The following UGT1A10 variants were observed in gnomAD, a reference collection of about 807,000 sequenced individuals.
UGT1A10 encodes the protein UDP-glucuronosyltransferase 1A10.
In UGT1A10, 49 loss-of-function variants were observed where a neutral mutation model predicts 45.8. That is an observed-to-expected ratio of 1.07 (90% CI 0.85 to 1.36). The LOEUF is 1.36. UGT1A10 is among the 40% of genes most tolerant of loss of function. UGT1A10 has a pLI of 0.00. For synonymous variants in UGT1A10, 284 were observed against 249.7 expected, an observed-to-expected ratio of 1.14 and a Z score of -1.29; for missense variants, 745 against 668.6, an observed-to-expected ratio of 1.11 and a Z score of -1.26.
chr2:233,742,825 T>A (rs1692111244), intron 1 of UGT1A10: 1 of 153,966 alleles, frequency 6.5e-6, no homozygotes, highest in South Asian at 2.0e-4. Context: ...TTTGTAGATT[T>A]CACCACTACA....
intron 1 of UGT1A10, chr2:233,690,644 G>C: frequency 7.8e-7 from 1 of 1,287,608 alleles, no homozygotes. Flanking sequence ...AGGACACCTT[G>C]ACTCCTACAG....
intron 1 of UGT1A10, among the ~76,000 whole-genome samples, chr2:233,674,127 T>C (rs998986174): frequency 5.9e-5 from 9 of 152,216 alleles, no homozygotes; most frequent in Non-Finnish European, 1.2e-4. Context: ...TCTATTGTTC[T>C]GGCTCCTTAC....
chr2:233,678,793 T>A (rs2074429314), intron 1 of UGT1A10, among the ~76,000 whole-genome samples: 2 of 152,190 alleles, frequency 1.3e-5, no homozygotes, highest in Non-Finnish European at 2.9e-5. Context: ...GTGGCATCTA[T>A]TGGCTCTTGA....
intron 1 of UGT1A10, chr2:233,747,870 C>T (rs1693798797): frequency 1.2e-6 from 2 of 1,613,434 alleles, no homozygotes; most frequent in Non-Finnish European, 1.7e-6. Context: ...CCCTCTGGCC[C>T]TGTCCTACCT....
intron 1 of UGT1A10, among the ~76,000 whole-genome samples, chr2:233,748,829 G>T (rs1192020175): frequency 6.6e-6 from 1 of 151,330 alleles, no homozygotes. Context: ...GTCTAGGGAG[G>T]AGATAAAACT....
intron 1 of UGT1A10, among the ~76,000 whole-genome samples, chr2:233,650,269 C>G (rs930296623): frequency 4.6e-5 from 7 of 152,176 alleles, no homozygotes; most frequent in Non-Finnish European, 1.0e-4. Context: ...CGTACCTGGC[C>G]AAGGTCTGGA....
chr2:233,743,017 T>C (rs1054805), intron 1 of UGT1A10: 1 of 239,620 alleles, frequency 4.2e-6, no homozygotes, highest in Non-Finnish European at 8.3e-6. Flanking sequence ...TTACAACGAT[T>C]GAAAGACAAA....
intron 1 of UGT1A10, among the ~76,000 whole-genome samples, chr2:233,646,861 A>T (rs2125470904): frequency 6.6e-6 from 1 of 152,328 alleles, no homozygotes; most frequent in African/African-American, 2.4e-5. Context: ...CCACGTTTTC[A>T]GGTATCTTTT....
At chr2:233,656,909 C>T (rs1004474150) in intron 1 of UGT1A10, among the ~76,000 whole-genome samples, 1 of 151,874 alleles carries the variant, frequency 6.6e-6, no homozygotes, top group African/African-American at 2.4e-5. Flanking sequence ...GTGGCATCTC[C>T]CTTAGTTAAA....
At chr2:233,660,284 A>C (rs1193657374) in intron 1 of UGT1A10, among the ~76,000 whole-genome samples, 1 of 152,140 alleles carries the variant, frequency 6.6e-6, no homozygotes, top group Non-Finnish European at 1.5e-5. Flanking sequence ...TCCATAGAAA[A>C]CCATGTGTAA....
intron 1 of UGT1A10, among the ~76,000 whole-genome samples, chr2:233,728,850 A>T (rs1449608230): frequency 6.6e-6 from 1 of 152,198 alleles, no homozygotes; most frequent in East Asian, 1.9e-4. Flanking sequence ...TGGGAATTGG[A>T]TGAGAAACAA....
At chr2:233,666,722 A>C (rs2074083785) in intron 1 of UGT1A10, among the ~76,000 whole-genome samples, 1 of 152,024 alleles carries the variant, frequency 6.6e-6, no homozygotes, top group African/African-American at 2.4e-5. Flanking sequence ...ATATGTATAC[A>C]TGTGCCATGT....
intron 1 of UGT1A10, chr2:233,672,219 T>C (rs536086355): frequency 2.5e-6 from 4 of 1,614,188 alleles, no homozygotes; most frequent in African/African-American, 1.3e-5. Flanking sequence ...CTTTTGCCCA[T>C]GCTCAATGGA....
intron 1 of UGT1A10, chr2:233,747,984 C>G: frequency 6.2e-7 from 1 of 1,613,422 alleles, no homozygotes; most frequent in South Asian, 1.1e-5. Context: ...GTGGCTGTTC[C>G]GAGGGGACTT....
intron 1 of UGT1A10, among the ~76,000 whole-genome samples, chr2:233,675,424 C>T (rs1222577732): frequency 1.3e-5 from 2 of 152,090 alleles, no homozygotes; most frequent in South Asian, 2.1e-4. Flanking sequence ...GAATTAATGA[C>T]TGGTTTTAGG....
chr2:233,772,325 C>A lies in UGT1A10; in HGVS notation c.1359C>A (p.Asp453Glu). 6.2e-7 allele frequency: 1 copy of A among 1,614,136 alleles called. No homozygotes were observed. Among genetic ancestry groups the A allele is most frequent in the Non-Finnish European group, 8.5e-7 (1 of 1,180,020 alleles). ...AGGACCGCCCGGTGGAGCCGCTGGACCTGGCCGTGTTCTGGGTGGAGTTTG... is the reference window on the plus strand; with the variant it reads ...AGGACCGCCCGGTGGAGCCGCTGGAACTGGCCGTGTTCTGGGTGGAGTTTG... ...LHKDRPVEPL[D>E]LAVFWVEFVM... is the part of the protein sequence containing the mutation. Residue 453 changes from aspartate (D) to glutamate (E), a missense_variant, in exon 5 of 5, where the codon GAC (aspartate) becomes GAA (glutamate). Coordinates refer to ENST00000344644, the MANE Select transcript of UGT1A10 (RefSeq NM_019075.4).
chr2:233,667,736 C>T (rs963468862), intron 1 of UGT1A10, among the ~76,000 whole-genome samples: 4 of 152,128 alleles, frequency 2.6e-5, no homozygotes. Context: ...TGAACAGACC[C>T]TTCTCAAAAG....
At chr2:233,682,603 T>A (rs775314877) in intron 1 of UGT1A10, 2 of 1,613,928 alleles carry the variant, frequency 1.2e-6, no homozygotes, top group Non-Finnish European at 1.7e-6. Flanking sequence ...TTTGCCCCTA[T>A]TTTTTCAAAA....
chr2:233,682,372 G>A (rs375461567), intron 1 of UGT1A10: 1 of 1,614,042 alleles, frequency 6.2e-7, no homozygotes, highest in Non-Finnish European at 8.5e-7. Flanking sequence ...TTGATGCAGT[G>A]TTTCTCGATC....
Sources: gnomAD v4.1 joint callset for allele counts (sites outside exome capture counted in the v4.1 genomes callset) on GRCh38, gnomAD v4.1.1 for gene constraint, MANE v1.5 for transcripts, NCBI Gene and HGNC (gene_info 2026-07-23, HGNC 2026-07-21) for gene names.